Variants in FSTL5 observed in about 807,000 individuals in gnomAD.
FSTL5 encodes follistatin-related protein 5.
Under a neutral mutation model 89.1 loss-of-function variants are expected in FSTL5, and 62 were observed. The ratio of observed to expected loss-of-function variants is 0.70; its 90% CI spans 0.57 to 0.86. The LOEUF (loss-of-function observed/expected upper bound fraction) is 0.86. Among genes scored for constraint, FSTL5 ranks in the 40% least tolerant of loss-of-function variants. The pLI is 0.00. For synonymous variants in FSTL5, 383 were observed against 346.2 expected (o/e 1.11, Z -1.18); for missense variants, 1,057 against 1,001.6 (o/e 1.06, Z -0.75).
intron 4 of FSTL5, among the ~76,000 whole-genome samples, chr4:161,783,723 CTTCT>C (rs770356276): frequency 0.022 from 484 of 22,372 alleles, 209 homozygotes; most frequent in East Asian, 0.028. Flanking sequence ...TTCTTTCTTT[CTTCT>C]TTTCTTTTCT....
intron 4 of FSTL5, among the ~76,000 whole-genome samples, chr4:161,913,101 G>C (rs1560913000): frequency 6.6e-6 from 1 of 152,246 alleles, no homozygotes; most frequent in East Asian, 1.9e-4. Flanking sequence ...AAGGGAAACA[G>C]AGCATAAAAG....
chr4:161,415,846 A>C (rs1480449252), intron 15 of FSTL5, among the ~76,000 whole-genome samples: 1 of 116,030 alleles, frequency 8.6e-6, no homozygotes, highest in African/African-American at 3.2e-5. Flanking sequence ...ATATATATAT[A>C]TATCATTTCA....
At chr4:161,685,429 GT>G (rs1737678870) in intron 6 of FSTL5, among the ~76,000 whole-genome samples, 1 of 152,066 alleles carries the variant, frequency 6.6e-6, no homozygotes, top group Non-Finnish European at 1.5e-5. Context: ...TCTTTCAGTG[GT>G]GTTTTGTAGT....
At chr4:161,722,477 G>A (rs1460614458) in intron 6 of FSTL5, among the ~76,000 whole-genome samples, 4 of 152,020 alleles carry the variant, frequency 2.6e-5, no homozygotes, top group Non-Finnish European at 5.9e-5. Flanking sequence ...CTCATTTGAT[G>A]TTCAGCTCAC....
At chr4:162,051,539 T>C (rs1207986453) in intron 2 of FSTL5, among the ~76,000 whole-genome samples, 1 of 151,578 alleles carries the variant, frequency 6.6e-6, no homozygotes, top group Non-Finnish European at 1.5e-5. Context: ...AATAATCCCC[T>C]GCAACCCATT....
intron 7 of FSTL5, among the ~76,000 whole-genome samples, chr4:161,627,789 T>G (rs1735365270): frequency 6.6e-6 from 1 of 152,122 alleles, no homozygotes; most frequent in African/African-American, 2.4e-5. Context: ...TTGACTAAAA[T>G]AAAAGCATTT....
At chr4:161,608,696 T>C (rs1734539609) in intron 7 of FSTL5, among the ~76,000 whole-genome samples, 1 of 152,034 alleles carries the variant, frequency 6.6e-6, no homozygotes, top group African/African-American at 2.4e-5. Flanking sequence ...ATCTATAAAA[T>C]ATTTTACACC....
At chr4:161,475,857 C>G (rs1486852807) in intron 13 of FSTL5, among the ~76,000 whole-genome samples, 2 of 151,888 alleles carry the variant, frequency 1.3e-5, no homozygotes, top group African/African-American at 4.8e-5. Context: ...TCACACCATT[C>G]TCCTACCTCA....
Position 162,093,025 on chromosome 4 carries a change from T to C in FSTL5, c.126+18246A>G, listed in dbSNP as rs1478321466. Among the ~76,000 whole-genome samples the C allele has an allele frequency of 6.0e-5, 9 of 150,572 alleles. 1 individual carries two copies. The highest frequency in any genetic ancestry group is 7.4e-5 in the Non-Finnish European group (5 of 67,824). On this transcript the variant is annotated intron_variant, in intron 2 of 15. Transcript: ENST00000306100. ...TAGTAGTATAGGGGCTTATACCTTA[T>C]AAGCATAGGGAATTGAAATAAACTC...
chr4:161,801,099 T>C (rs1729777420), intron 4 of FSTL5, among the ~76,000 whole-genome samples: 1 of 151,564 alleles, frequency 6.6e-6, no homozygotes, highest in African/African-American at 2.4e-5. Flanking sequence ...ATTCTGAAGA[T>C]AAAAAATTAA....
intron 4 of FSTL5, among the ~76,000 whole-genome samples, chr4:161,855,594 A>G (rs910438790): frequency 6.6e-5 from 10 of 152,094 alleles, no homozygotes; most frequent in Non-Finnish European, 8.8e-5. Context: ...TCCTAGGACT[A>G]TACTTAAAAT....
At chr4:161,741,784 T>G (rs1380384964) in intron 6 of FSTL5, among the ~76,000 whole-genome samples, 1 of 151,474 alleles carries the variant, frequency 6.6e-6, no homozygotes, top group Non-Finnish European at 1.5e-5. Context: ...GCCTCCCGGT[T>G]TCAAGCAATT....
At chr4:161,657,836 C>G (rs912558666) in intron 6 of FSTL5, among the ~76,000 whole-genome samples, 1 of 152,172 alleles carries the variant, frequency 6.6e-6, no homozygotes, top group Non-Finnish European at 1.5e-5. Context: ...TCACCACTGG[C>G]TGACACCTCA....
intron 4 of FSTL5, among the ~76,000 whole-genome samples, chr4:161,791,680 T>C (rs1173852040): frequency 6.6e-6 from 1 of 152,166 alleles, no homozygotes; most frequent in East Asian, 1.9e-4. Flanking sequence ...TCATTAACAT[T>C]ATTCCTGGGT....
chr4:161,905,215 T>C (rs1006676265), intron 4 of FSTL5, among the ~76,000 whole-genome samples: 2 of 152,160 alleles, frequency 1.3e-5, no homozygotes, highest in African/African-American at 4.8e-5. Context: ...TTATAGCTTC[T>C]TTAAAATTAA....
At chr4:162,084,878 A>T (rs1231822372) in intron 2 of FSTL5, among the ~76,000 whole-genome samples, 4 of 152,060 alleles carry the variant, frequency 2.6e-5, no homozygotes, top group African/African-American at 9.7e-5. Flanking sequence ...CCTATGTAAC[A>T]AACCTGCACA....
intron 3 of FSTL5, among the ~76,000 whole-genome samples, chr4:161,924,350 T>C (rs1734068683): frequency 1.3e-5 from 2 of 150,820 alleles, no homozygotes; most frequent in South Asian, 4.2e-4. Context: ...TGAATAAAAT[T>C]ATCTTAAAAT....
At chr4:161,882,414 A>T (rs1732662927) in intron 4 of FSTL5, among the ~76,000 whole-genome samples, 1 of 152,134 alleles carries the variant, frequency 6.6e-6, no homozygotes, top group Non-Finnish European at 1.5e-5. Flanking sequence ...GTTGTACCAA[A>T]GCAAAATTGT....
At chr4:162,158,339 A>G (rs1561051646) in intron 1 of FSTL5, among the ~76,000 whole-genome samples, 1 of 152,114 alleles carries the variant, frequency 6.6e-6, no homozygotes, top group Non-Finnish European at 1.5e-5. Context: ...GAGGTCAATT[A>G]ATGTAGCATC....
Sources: gnomAD v4.1 joint callset for allele counts (sites outside exome capture counted in the v4.1 genomes callset) on GRCh38, gnomAD v4.1.1 for gene constraint, MANE v1.5 for transcripts, NCBI Gene and HGNC (gene_info 2026-07-23, HGNC 2026-07-21) for gene names.